RANBP2: variants seen among roughly 807,000 people sequenced by gnomAD.
RANBP2 encodes the protein E3 SUMO-protein ligase RanBP2.
Under a neutral mutation model 303.6 loss-of-function variants are expected in RANBP2, and 57 were observed. The ratio of observed to expected loss-of-function variants is 0.19; its 90% CI spans 0.15 to 0.23. The LOEUF is 0.23. Among genes scored for constraint, RANBP2 ranks in the 10% least tolerant of loss-of-function variants. The probability of loss-of-function intolerance (pLI) is 1.00; values close to 1 mark genes in which losing one functional copy is unlikely to be tolerated. For synonymous variants in RANBP2, 1,167 were observed against 1,301.5 expected (o/e 0.90, Z 2.23); for missense variants, 3,138 against 3,780.8 (o/e 0.83, Z 4.46).
chr2:108,896,382 G>A, the RANBP2 span: 3 of 154,248 alleles, frequency 1.9e-5, no homozygotes, highest in African/African-American at 7.2e-5. Flanking sequence ...TTCTTCACTA[G>A]GATGCCATCC....
At chr2:109,091,119 T>C in the RANBP2 span, among the ~76,000 whole-genome samples, 4 of 152,164 alleles carry the variant, frequency 2.6e-5, no homozygotes, top group Non-Finnish European at 5.9e-5. Flanking sequence ...TAGTCCCTGC[T>C]ACTCCAGAGA....
At chr2:108,889,948 C>A in the RANBP2 span, among the ~76,000 whole-genome samples, 1 of 152,052 alleles carries the variant, frequency 6.6e-6, no homozygotes, top group Admixed American at 6.6e-5. Context: ...GAGTTTTATA[C>A]TTTCATTTGT....
chr2:109,239,950 C>G, the RANBP2 span, among the ~76,000 whole-genome samples: 2 of 152,186 alleles, frequency 1.3e-5, no homozygotes, highest in Admixed American at 6.5e-5. Flanking sequence ...AAAATGTGCT[C>G]TAGTTGTAGT....
intron 8 of RANBP2, among the ~76,000 whole-genome samples, chr2:108,747,487 T>A (rs1696604784): frequency 6.6e-6 from 1 of 152,274 alleles, no homozygotes; most frequent in South Asian, 2.1e-4. Flanking sequence ...ATAGTTAGGC[T>A]GTTGGCCAGA....
chr2:109,680,357 C>T, the RANBP2 span, among the ~76,000 whole-genome samples: 1 of 147,582 alleles, frequency 6.8e-6, no homozygotes, highest in African/African-American at 2.5e-5. Flanking sequence ...GGCAACAGAG[C>T]GAGACTCTGT....
At chr2:109,296,400 TG>T in the RANBP2 span, among the ~76,000 whole-genome samples, 343 of 149,586 alleles carry the variant, frequency 2.3e-3, 1 homozygote, top group African/African-American at 8.3e-3. Flanking sequence ...GTTTTTTTTT[TG>T]TGTGTGTGTT....
chr2:109,351,259 G>C, the RANBP2 span, among the ~76,000 whole-genome samples: 2 of 152,172 alleles, frequency 1.3e-5, no homozygotes, highest in Non-Finnish European at 2.9e-5. Flanking sequence ...GCTGGCCTTG[G>C]CAGGGCCTTG....
At chr2:109,542,287 A>G in the RANBP2 span, among the ~76,000 whole-genome samples, 10 of 152,360 alleles carry the variant, frequency 6.6e-5, no homozygotes, top group Admixed American at 2.6e-4. Context: ...TATGAAATGA[A>G]TTAAAAATTC....
At chr2:108,908,285 T>G in the RANBP2 span, among the ~76,000 whole-genome samples, 139,056 of 152,150 alleles carry the variant, frequency 0.91, 63,617 homozygotes, top group East Asian at 1. Context: ...TGCCACTGCG[T>G]GTGGGAGGCA....
chr2:109,299,252 A>T, the RANBP2 span, among the ~76,000 whole-genome samples: 1 of 151,394 alleles, frequency 6.6e-6, no homozygotes, highest in South Asian at 2.1e-4. Context: ...AGGACCTCTC[A>T]CTCTTTAGCT....
At chr2:109,098,775 C>T in the RANBP2 span, among the ~76,000 whole-genome samples, 19 of 152,194 alleles carry the variant, frequency 1.2e-4, no homozygotes, top group African/African-American at 4.6e-4. Flanking sequence ...TACCAGTATC[C>T]TGGGGCCTCT....
At chr2:109,036,923 C>A in the RANBP2 span, among the ~76,000 whole-genome samples, 1 of 152,012 alleles carries the variant, frequency 6.6e-6, no homozygotes, top group South Asian at 2.1e-4. Context: ...GTGGGCAGAT[C>A]ACTTGAGGTC....
chr2:109,110,009 G>A, the RANBP2 span, among the ~76,000 whole-genome samples: 2 of 152,118 alleles, frequency 1.3e-5, no homozygotes, highest in Non-Finnish European at 2.9e-5. Flanking sequence ...TTCTGGTAGA[G>A]CCACACGGAA....
the RANBP2 span, among the ~76,000 whole-genome samples, chr2:108,869,534 G>A: frequency 6.6e-6 from 1 of 152,188 alleles, no homozygotes; most frequent in African/African-American, 2.4e-5. Flanking sequence ...GGGCACCATA[G>A]CACATGAAAA....
At chr2:109,279,854 A>G in the RANBP2 span, among the ~76,000 whole-genome samples, 5 of 151,604 alleles carry the variant, frequency 3.3e-5, no homozygotes, top group African/African-American at 1.2e-4. Context: ...CCTGCCCTGT[A>G]GCGAGGCTTA....
At chr2:109,399,117 T>C in the RANBP2 span, among the ~76,000 whole-genome samples, 7 of 152,022 alleles carry the variant, frequency 4.6e-5, no homozygotes, top group Non-Finnish European at 8.8e-5. Flanking sequence ...CCTAGAAGCG[T>C]GGAGAATGGT....
the RANBP2 span, among the ~76,000 whole-genome samples, chr2:109,077,137 G>T: frequency 6.6e-6 from 1 of 150,586 alleles, no homozygotes; most frequent in Non-Finnish European, 1.5e-5. Context: ...ACACAATGGG[G>T]AAAGATAGTC....
the RANBP2 span, among the ~76,000 whole-genome samples, chr2:109,238,449 T>TTGTG: frequency 1.2e-3 from 165 of 142,706 alleles, no homozygotes; most frequent in Middle Eastern, 3.6e-3. Context: ...TTATGTATAT[T>TTGTG]TGTGTGTGTG....
chr2:108,798,522 A>G, the RANBP2 span: 1 of 1,614,010 alleles, frequency 6.2e-7, no homozygotes, highest in Admixed American at 1.7e-5. Flanking sequence ...AGACATGAAA[A>G]TGCCTTGAGT....
Sources: gnomAD v4.1 joint callset for allele counts (sites outside exome capture counted in the v4.1 genomes callset) on GRCh38, gnomAD v4.1.1 for gene constraint, MANE v1.5 for transcripts, NCBI Gene and HGNC (gene_info 2026-07-23, HGNC 2026-07-21) for gene names.